The following SPINK5 variants were observed in gnomAD, a reference collection of about 807,000 sequenced individuals.
SPINK5 encodes the protein serine protease inhibitor Kazal-type 5.
Under a neutral mutation model 151.8 loss-of-function variants are expected in SPINK5, and 125 were observed. That is an observed-to-expected ratio of 0.82 (90% confidence interval 0.71 to 0.96). The LOEUF is 0.96. Among genes scored for constraint, SPINK5 ranks in the 40% least tolerant of loss-of-function variants. SPINK5 has a pLI of 0.00. For synonymous variants in SPINK5, 374 were observed against 395.3 expected, an observed-to-expected ratio of 0.95 and a Z score of 0.64; for missense variants, 1,194 against 1,291.9, an observed-to-expected ratio of 0.92 and a Z score of 1.16.
intron 23 of SPINK5, 34 bp from the exon 24 acceptor site, chr5:148,118,952 T>C: frequency 1.9e-6 from 3 of 1,604,348 alleles, no homozygotes; most frequent in Non-Finnish European, 2.6e-6. Flanking sequence ...CAATATTTGT[T>C]AACAAGATGA....
intron 4 of SPINK5, among the ~76,000 whole-genome samples, chr5:148,078,067 T>G (rs1200494372): frequency 2.6e-5 from 4 of 151,086 alleles, no homozygotes; most frequent in Non-Finnish European, 5.9e-5. Context: ...AGGTGCTCCT[T>G]AGATTCAAAG....
chr5:148,091,769 T>A (rs200587079), intron 8 of SPINK5, among the ~76,000 whole-genome samples: 4 of 146,126 alleles, frequency 2.7e-5, no homozygotes, highest in African/African-American at 7.5e-5. Flanking sequence ...GATTCTGCTT[T>A]AAAAAAAAAA....
In SPINK5 at chr5:148,086,520, G is replaced by A. The variant is rs1378247218; in HGVS notation, c.398G>A (p.Cys133Tyr). 1.2e-6 allele frequency: 2 copies of A among 1,611,380 alleles called. No homozygotes were observed. The highest frequency in any genetic ancestry group is 1.3e-5 in the African/African-American group (1 of 74,802). The change falls in exon 5 of 33, where the codon TGT becomes TAT. Residue 133 changes from cysteine (C) to tyrosine (Y), a missense_variant. By Grantham distance (194) the Cys-to-Tyr change is radical. Transcript: ENST00000256084. ...GKTYDNRCAL[C>Y]AENAKTGSQI... is the part of the protein sequence containing the mutation. ...ACATATGACAACAGATGTGCACTGT[G>A]TGCTGAGAATGCGTGAGTATTCTCT...
intron 4 of SPINK5, among the ~76,000 whole-genome samples, chr5:148,073,813 G>GACAC (rs1752803498): frequency 1.2e-5 from 1 of 83,188 alleles, no homozygotes; most frequent in African/African-American, 5.4e-5. Flanking sequence ...TTATGCCTGA[G>GACAC]TCACACACAC....
chr5:148,088,502 G>A (rs1200441664), intron 5 of SPINK5, 40 bp from the exon 6 acceptor site: 3 of 1,584,768 alleles, frequency 1.9e-6, no homozygotes, highest in East Asian at 4.5e-5. Context: ...GGGAAGTTCT[G>A]TGATATTAAA....
At chr5:148,089,431 T>C in intron 6 of SPINK5, 63 bp from the exon 7 acceptor site, 1 of 1,609,872 alleles carries the variant, frequency 6.2e-7, no homozygotes, top group Non-Finnish European at 8.5e-7. Flanking sequence ...ATAAAATTTC[T>C]GAAAACAGTG....
intron 4 of SPINK5, 117 bp downstream of exon 4, chr5:148,072,337 A>T (rs1407194161): frequency 9.3e-7 from 1 of 1,080,790 alleles, no homozygotes; most frequent in East Asian, 2.5e-5. Context: ...ACAACTTAGG[A>T]GGGAGGGAAC....
Position 148,133,840 on chromosome 5 carries a change from G to A in SPINK5, c.3139G>A (p.Glu1047Lys). Residue 1047 changes from glutamate to lysine, a missense_variant, in exon 32 of 33, where the codon GAG (glutamate) becomes AAG (lysine). Transcript: ENST00000256084. ...NTHIRSTGKC[E>K]ESSTPGTTAA... ...ACACATCCGCAGTACAGGGAAGTGT[G>A]AGGAGAGCAGCACCCCAGGAACCAC... 4 of 1,614,038 alleles carry A rather than the reference G, an allele frequency of 2.5e-6. No homozygotes were observed. The highest frequency in any genetic ancestry group is 3.4e-6 in the Non-Finnish European group (4 of 1,179,976).
intron 9 of SPINK5, among the ~76,000 whole-genome samples, chr5:148,094,776 AG>A (rs1753411847): frequency 6.6e-6 from 1 of 151,958 alleles, no homozygotes; most frequent in Non-Finnish European, 1.5e-5. Flanking sequence ...AACTAATTCT[AG>A]TATAGAATGG....
chr5:148,120,292 C>G lies in SPINK5; in HGVS notation c.2442-3C>G, dbSNP rs1197700543. 6.2e-7 allele frequency: 1 copy of G among 1,605,496 alleles called. No individual in the cohort carries two copies. The highest frequency in any genetic ancestry group is 2.2e-5 in the East Asian group (1 of 44,522). ...TTGAAATGTTTCATTGTTTTCCCCC[C>G]AGGGAAAGGGAAGCAGCTGAAAAAA... On this transcript the variant is annotated splice_polypyrimidine_tract_variant and splice_region_variant and intron_variant, in intron 25 of 32. Transcript: ENST00000256084.
chr5:148,071,188 A>G (rs1033676490), intron 3 of SPINK5, among the ~76,000 whole-genome samples: 5 of 152,118 alleles, frequency 3.3e-5, no homozygotes, highest in African/African-American at 1.2e-4. Context: ...ACCACTGTCA[A>G]AACTTCAACA....
chr5:148,100,247 G>A (rs1414956014), intron 12 of SPINK5, among the ~76,000 whole-genome samples: 1 of 152,034 alleles, frequency 6.6e-6, no homozygotes, highest in Admixed American at 6.6e-5. Context: ...ATTATATGGG[G>A]ACATTGTGCT....
intron 4 of SPINK5, among the ~76,000 whole-genome samples, chr5:148,078,688 G>A (rs1173122537): frequency 3.3e-5 from 5 of 150,354 alleles, no homozygotes; most frequent in Admixed American, 1.3e-4. Flanking sequence ...GATAATTGGT[G>A]GGTTAAAGAA....
chr5:148,105,589 G>A (rs1464881211), intron 16 of SPINK5, among the ~76,000 whole-genome samples: 5 of 151,600 alleles, frequency 3.3e-5, no homozygotes, highest in Non-Finnish European at 7.4e-5. Flanking sequence ...TCATATAATA[G>A]CTACATACAA....
rs1162448930 is a variant in SPINK5 at position 148,125,804 on chromosome 5, G to A, written c.2821G>A (p.Asp941Asn). The A allele has an allele frequency of 3.1e-6, 5 of 1,614,108 alleles. No individual in the cohort carries two copies. The African/African-American group carries it at 4.0e-5, about 13-fold the overall frequency. The change falls in exon 29 of 33, where the codon GAT becomes AAT. Residue 941 changes from aspartate to asparagine, a missense_variant. Transcript: ENST00000256084. ...AGAGAATGACCCAGTGCACGGTGCT[G>A]ATGGAAAGTTCTATACAAACAAGTG... The part of the protein sequence containing the change: ...PRENDPVHGA[D>N]GKFYTNKCYM...
intron 3 of SPINK5, among the ~76,000 whole-genome samples, chr5:148,070,864 C>A (rs1258897528): frequency 2.0e-5 from 3 of 152,052 alleles, no homozygotes; most frequent in Non-Finnish European, 4.4e-5. Flanking sequence ...GCCAGACTCT[C>A]CCGTGACAGC....
chr5:148,074,856 G>A (rs1752838380), intron 4 of SPINK5, among the ~76,000 whole-genome samples: 1 of 151,348 alleles, frequency 6.6e-6, no homozygotes, highest in Non-Finnish European at 1.5e-5. Flanking sequence ...TATAATTTTT[G>A]TTAATATTTT....
chr5:148,114,324 G>A (rs747959216), intron 20 of SPINK5, 38 bp from the exon 21 acceptor site: 33 of 1,592,582 alleles, frequency 2.1e-5, no homozygotes, highest in South Asian at 5.5e-5. Flanking sequence ...TAATTTCCCA[G>A]AAGATACTCA....
rs1753518114 is a variant in SPINK5, at chr5:148,098,004, G to A, written c.1010+10G>A. 6.2e-7 allele frequency: 1 copy of A among 1,610,594 alleles called. No individual in the cohort carries two copies. Among genetic ancestry groups the A allele is most frequent in the Non-Finnish European group, 8.5e-7 (1 of 1,177,656 alleles). Reference sequence around the variant, plus strand: ...TGTGTCAAGCCTACTTGTGAGTATAGAGTTTTAGAATGTCAAAGAAAGAAG... The same window carrying A: ...TGTGTCAAGCCTACTTGTGAGTATAAAGTTTTAGAATGTCAAAGAAAGAAG... On this transcript the variant is annotated intron_variant, in intron 11 of 32. Coordinates refer to ENST00000256084, the MANE Select transcript of SPINK5 (RefSeq NM_006846.4).
Sources: allele counts gnomAD v4.1 joint callset (sites outside exome capture counted in the v4.1 genomes callset), GRCh38; gene constraint gnomAD v4.1.1; transcripts MANE v1.5; gene names NCBI Gene and HGNC (gene_info 2026-07-23, HGNC 2026-07-21).